Variants in COL21A1 observed in about 807,000 individuals in gnomAD.
COL21A1 encodes collagen alpha-1(XXI) chain.
In COL21A1, 149 loss-of-function variants were observed where a neutral mutation model predicts 137.9. The observed-to-expected ratio is 1.08, with a 90% CI of 0.95 to 1.24. COL21A1 has a LOEUF of 1.24. Ranked by LOEUF, COL21A1 falls within the 50% of genes most tolerant of loss-of-function variation. The pLI is 0.00. For missense variants in COL21A1, 1,167 were observed against 1,158.4 expected (o/e 1.01, Z -0.11); for synonymous variants, 456 against 391.5 (o/e 1.16, Z -1.95).
intron 1 of COL21A1, among the ~76,000 whole-genome samples, chr6:56,261,333 G>C (rs948817481): frequency 7.2e-5 from 11 of 152,166 alleles, no homozygotes; most frequent in African/African-American, 2.7e-4. Flanking sequence ...CATTGTATTA[G>C]TTAGGATAAG....
intron 12 of COL21A1, among the ~76,000 whole-genome samples, chr6:56,132,131 G>T (rs555589108): frequency 2.6e-4 from 39 of 150,630 alleles, no homozygotes; most frequent in Non-Finnish European, 3.8e-4. Flanking sequence ...TTTTTAAAGG[G>T]CTCCATTTAT....
intron 1 of COL21A1, among the ~76,000 whole-genome samples, chr6:56,268,046 T>C (rs575070122): frequency 1.1e-3 from 161 of 152,254 alleles, no homozygotes; most frequent in Middle Eastern, 6.8e-3. Flanking sequence ...GTCTGGAAGA[T>C]GGAACCAGAG....
intron 18 of COL21A1, 42 bp from the exon 19 acceptor site, chr6:56,075,574 AT>A: frequency 3.0e-6 from 4 of 1,347,564 alleles, no homozygotes; most frequent in African/African-American, 1.5e-5. Flanking sequence ...ATTGTAAATT[AT>A]CAATTTATTT....
Position 56,285,227 on chromosome 6 carries a change from G to A in COL21A1, c.-38-102571C>T, listed in dbSNP as rs568168631. ...CCTTCCACCTAGCTACCATATAACTGGGCACGGAATAAGACTCAGTGACAA... is the reference window on the plus strand; with the variant it reads ...CCTTCCACCTAGCTACCATATAACTAGGCACGGAATAAGACTCAGTGACAA... On this transcript the variant is annotated intron_variant, in intron 1 of 28. Coordinates refer to the COL21A1 transcript ENST00000370819. Among the ~76,000 whole-genome samples, 373 of 152,206 alleles carry A rather than the reference G, an allele frequency of 2.5e-3. 4 individuals carry two copies. Among genetic ancestry groups the A allele is most frequent in the Non-Finnish European group, 3.2e-3 (221 of 68,012 alleles).
intron 1 of COL21A1, among the ~76,000 whole-genome samples, chr6:56,341,266 T>G (rs541635199): frequency 6.6e-5 from 10 of 152,236 alleles, no homozygotes; most frequent in Non-Finnish European, 1.0e-4. Context: ...CAAGAAATTT[T>G]TCTCAGCACA....
intron 1 of COL21A1, among the ~76,000 whole-genome samples, chr6:56,211,324 A>T (rs1225455258): frequency 6.6e-6 from 1 of 151,542 alleles, no homozygotes; most frequent in Non-Finnish European, 1.5e-5. Flanking sequence ...TATTCTGAAT[A>T]CAAATTTTTA....
At chr6:56,332,028 C>T (rs1335911735) in intron 1 of COL21A1, 1 of 152,078 alleles carries the variant, frequency 6.6e-6, no homozygotes, top group African/African-American at 2.4e-5. Context: ...CACAAAAAAC[C>T]TTCCATTATA....
chr6:56,161,774 G>A (rs1776223715), intron 9 of COL21A1, among the ~76,000 whole-genome samples: 1 of 152,066 alleles, frequency 6.6e-6, no homozygotes, highest in South Asian at 2.1e-4. Flanking sequence ...TCTAAGTGTG[G>A]TGTACCTTGT....
At chr6:56,166,225 T>C (rs1284786513) in intron 7 of COL21A1, among the ~76,000 whole-genome samples, 1 of 152,114 alleles carries the variant, frequency 6.6e-6, no homozygotes, top group Non-Finnish European at 1.5e-5. Flanking sequence ...TGTTATATTA[T>C]ATTATACATG....
At chr6:56,259,105 T>G (rs1360890915) in intron 1 of COL21A1, among the ~76,000 whole-genome samples, 1 of 152,164 alleles carries the variant, frequency 6.6e-6, no homozygotes, top group Admixed American at 6.5e-5. Flanking sequence ...CAAGGAACAC[T>G]CTTGGACATA....
At chr6:56,205,600 A>C (rs1173875418) in intron 1 of COL21A1, among the ~76,000 whole-genome samples, 1 of 152,180 alleles carries the variant, frequency 6.6e-6, no homozygotes, top group Non-Finnish European at 1.5e-5. Context: ...ACCTAGCAAA[A>C]TAGGCCAACA....
At chr6:56,366,933 C>T (rs1371552774) in intron 1 of COL21A1, among the ~76,000 whole-genome samples, 1 of 152,126 alleles carries the variant, frequency 6.6e-6, no homozygotes, top group Non-Finnish European at 1.5e-5. Context: ...GTCCTTTGTA[C>T]TATTAAAAAC....
intron 17 of COL21A1, chr6:56,078,123 A>G (rs372928739): frequency 4.4e-6 from 2 of 455,936 alleles, no homozygotes; most frequent in Non-Finnish European, 4.4e-6. Flanking sequence ...TGAAGACCAC[A>G]GTTTGTGAAG....
intron 1 of COL21A1, among the ~76,000 whole-genome samples, chr6:56,202,903 A>G (rs1779508223): frequency 2.0e-5 from 3 of 152,194 alleles, no homozygotes; most frequent in Admixed American, 2.0e-4. Context: ...TGTACAGTGT[A>G]TTTTATTTGC....
chr6:56,198,342 TGA>T (rs1359507495), intron 1 of COL21A1, among the ~76,000 whole-genome samples: 4 of 152,092 alleles, frequency 2.6e-5, no homozygotes, highest in African/African-American at 9.7e-5. Context: ...TGAAATTAGC[TGA>T]GAGAATAGAT....
chr6:56,393,552 T>A (rs1351679003), intron 1 of COL21A1, among the ~76,000 whole-genome samples: 1 of 152,066 alleles, frequency 6.6e-6, no homozygotes, highest in Non-Finnish European at 1.5e-5. Context: ...ATCAACAAAG[T>A]GGAAGATGGT....
intron 10 of COL21A1, among the ~76,000 whole-genome samples, chr6:56,152,931 G>A (rs386431240): frequency 6.6e-6 from 1 of 152,270 alleles, no homozygotes; most frequent in South Asian, 2.1e-4. Context: ...AAAGGGGTCT[G>A]CAGGCTAAGG....
At chr6:56,155,470 C>T (rs907275229) in intron 10 of COL21A1, among the ~76,000 whole-genome samples, 1 of 152,092 alleles carries the variant, frequency 6.6e-6, no homozygotes, top group Non-Finnish European at 1.5e-5. Context: ...TTTCATTCCT[C>T]GAACAATTTT....
At chr6:56,361,694 TA>T (rs35493390) in intron 1 of COL21A1, among the ~76,000 whole-genome samples, 38,901 of 151,340 alleles carry the variant, frequency 0.26, 6,300 homozygotes, top group East Asian at 0.72. Context: ...GATCCAAGCA[TA>T]AAAAAAAATC....
Sources: gnomAD v4.1 joint callset for allele counts (sites outside exome capture counted in the v4.1 genomes callset) on GRCh38, gnomAD v4.1.1 for gene constraint, MANE v1.5 for transcripts, NCBI Gene and HGNC (gene_info 2026-07-23, HGNC 2026-07-21) for gene names.